PRDM8: variants seen among roughly 807,000 people sequenced by gnomAD.
PRDM8 encodes PR domain zinc finger protein 8.
In PRDM8, 13 loss-of-function variants were observed where a neutral mutation model predicts 46.5. The ratio of observed to expected loss-of-function variants is 0.28; its 90% confidence interval spans 0.18 to 0.44. PRDM8 has a LOEUF of 0.44. Among genes scored for constraint, PRDM8 ranks in the 20% least tolerant of loss-of-function variants. The probability of loss-of-function intolerance (pLI) is 1.00; values close to 1 mark genes in which losing one functional copy is unlikely to be tolerated. For missense variants in PRDM8, 998 were observed against 955.0 expected (o/e 1.04, Z -0.59); for synonymous variants, 473 against 438.4 (o/e 1.08, Z -0.98).
chr4:80,186,030 G>A lies in PRDM8; in HGVS notation c.-983+512G>A, dbSNP rs536275544. ...CTCAGGAAGGCGTTAAGGAAAAGGC[G>A]CGCGGTACTGGCTGAATGGAGAGAT... is the stretch of plus-strand genomic sequence containing the variant. On this transcript the variant is annotated intron_variant, in intron 1 of 9. Transcript: ENST00000339711. Among the ~76,000 whole-genome samples the A allele has an allele frequency of 5.3e-5, 8 of 152,264 alleles. No individual in the cohort carries two copies. In the South Asian group the frequency reaches 1.7e-3, roughly 32 times the overall value.
At chr4:80,194,387 T>C (rs375490303), upstream of PRDM8, 13 of 242,762 alleles carry the variant, frequency 5.4e-5, no homozygotes, top group South Asian at 9.2e-4. Context: ...TATAGTACTG[T>C]CTGAGGCTGA....
At position 80,202,916 on chromosome 4, in the gene PRDM8, G is replaced by A. The variant is rs1441323262; in HGVS notation, c.1454G>A (p.Gly485Asp). 3.0e-6 allele frequency: 4 copies of A among 1,352,294 alleles called. No individual in the cohort carries two copies. The highest frequency in any genetic ancestry group is 4.0e-5 in the Admixed American group (1 of 24,938). The allele number at this position is 1,352,294 out of a possible 1,614,324, so 83.8% of individuals were successfully genotyped here. A position where few individuals can be genotyped will look rare whatever the true frequency, so the allele number is the denominator to read the frequency against. Residue 485 changes from glycine to aspartate, a missense_variant, in exon 4 of 4, where the codon GGC (glycine) becomes GAC (aspartate). By Grantham distance (94) the Gly-to-Asp change is moderately conservative (BLOSUM62 -1). Coordinates refer to ENST00000415738, the MANE Select transcript of PRDM8 (RefSeq NM_001099403.2). ...GGAACGGGCGCCGGGGCCGCAGGCGGCGCGGGCGGGGGCCAGGGCGCCGCG... is the reference window on the plus strand; with the variant it reads ...GGAACGGGCGCCGGGGCCGCAGGCGACGCGGGCGGGGGCCAGGGCGCCGCG... ...GGGTGAGAAGGAGGGQGAASD... is the reference protein window; with the variant it reads ...GGGTGAGAAGDAGGGQGAASD...
chr4:80,201,716 AT>A (rs895575143), intron 3 of PRDM8, among the ~76,000 whole-genome samples, 195 bp downstream of exon 3: 1 of 152,170 alleles, frequency 6.6e-6, no homozygotes, highest in African/African-American at 2.4e-5. Flanking sequence ...TGTTTGCTGT[AT>A]TCCCTCCAAA....
chr4:80,192,032 C>T (rs550004761), intron 2 of PRDM8, among the ~76,000 whole-genome samples: 4 of 152,136 alleles, frequency 2.6e-5, no homozygotes, highest in Non-Finnish European at 4.4e-5. Flanking sequence ...TTCTTTCTCT[C>T]GCTTCTCTTT....
chr4:80,203,271 G>A lies in PRDM8; in HGVS notation c.1809G>A (p.Leu603=), dbSNP rs780466301. 1.4e-5 allele frequency: 22 copies of A among 1,588,100 alleles called. No homozygotes were observed. The East Asian group carries it at 4.8e-4, about 35-fold the overall frequency. The part of the protein sequence containing the change: ...AAAAAAGPLQ[L]QLPSALTLLP... ...CGGCGGCCGCGGGGCCCTTGCAGCT[G>A]CAGCTGCCCTCGGCGCTCACGCTGC... Residue 603 remains leucine, a synonymous_variant, in exon 4 of 4, where the codon CTG becomes CTA. Transcript: ENST00000415738.
intron 1 of PRDM8, among the ~76,000 whole-genome samples, chr4:80,189,100 T>G (rs905410825): frequency 6.6e-6 from 1 of 152,136 alleles, no homozygotes; most frequent in Non-Finnish European, 1.5e-5. Context: ...ACGCGCGCTC[T>G]AGGAGGCCCA....
At position 80,200,261 on chromosome 4, in the gene PRDM8, A is replaced by C; in HGVS notation, c.181A>C (p.Lys61Gln). ...LYDSIAFIAL[K>Q]STDKRTVPYI... is the part of the protein sequence containing the mutation. ...TGACAGCATAGCTTTCATAGCTCTC[A>C]AGTCTACTGACAAGAGAACAGTACC... is the stretch of plus-strand genomic sequence containing the variant. The change falls in exon 2 of 4, where the codon AAG (lysine) becomes CAG (glutamine). Residue 61 changes from lysine (K) to glutamine (Q), a missense_variant. Physicochemically the swap from Lys to Gln is moderately conservative, Grantham distance 53. Coordinates refer to ENST00000415738, the MANE Select transcript of PRDM8 (RefSeq NM_001099403.2). 6.2e-7 allele frequency: 1 copy of C among 1,614,038 alleles called. No homozygotes were observed. The highest frequency in any genetic ancestry group is 1.3e-5 in the African/African-American group (1 of 75,036).
intron 2 of PRDM8, among the ~76,000 whole-genome samples, chr4:80,192,089 T>C (rs1737592242): frequency 6.6e-6 from 1 of 152,184 alleles, no homozygotes; most frequent in Non-Finnish European, 1.5e-5. Context: ...CAGGAAAGTG[T>C]ACCATGGGTT....
In PRDM8 at chr4:80,202,379, C is replaced by T. The variant is rs1353449700; in HGVS notation, c.917C>T (p.Ala306Val). 6.3e-7 allele frequency: 1 copy of T among 1,586,406 alleles called. No homozygotes were observed. The highest frequency in any genetic ancestry group is 8.6e-7 in the Non-Finnish European group (1 of 1,166,810). Residue 306 changes from alanine to valine, a missense_variant, in exon 4 of 4, where the codon GCC (alanine) becomes GTC (valine). Ala to Val is a moderately conservative substitution (Grantham distance 64). Coordinates refer to ENST00000415738, the MANE Select transcript of PRDM8 (RefSeq NM_001099403.2). ...QEAELSPDGI[A>V]TGGGKGKRKF... ...GCGGAGCTGAGTCCCGACGGCATCG[C>T]CACGGGCGGCGGCAAAGGAAAGAGG...
Position 80,202,332 on chromosome 4 carries a change from C to A in PRDM8, c.870C>A (p.Gly290=), listed in dbSNP as rs780252543. ...GCCTCAGCAGCGGTAGCGGCAGCGG[C>A]GGCGGCGGCGGCCACCAGGAGGCGG... The part of the protein sequence containing the change: ...AQSLSSGSGS[G]GGGGHQEAEL... The change falls in exon 4 of 4, where the codon GGC becomes GGA. Residue 290 remains glycine, a synonymous_variant. Coordinates refer to ENST00000415738, the MANE Select transcript of PRDM8 (RefSeq NM_001099403.2). The A allele has an allele frequency of 3.1e-6, 5 of 1,603,872 alleles. No homozygotes were observed. Among genetic ancestry groups the A allele is most frequent in the East Asian group, 4.5e-5 (2 of 44,486 alleles).
At position 80,187,502 on chromosome 4, in the gene PRDM8, G is replaced by A. The variant is rs1578238585; in HGVS notation, c.-983+1984G>A. On this transcript the variant is annotated intron_variant, in intron 1 of 9. Coordinates refer to the PRDM8 transcript ENST00000339711. ...GGGTCTGAGCTATGGAGATAATTAG[G>A]GGATGTCTGTGAATTTAGGGTTTGG... is the stretch of plus-strand genomic sequence containing the variant. Among the ~76,000 whole-genome samples the A allele has an allele frequency of 2.0e-5, 3 of 152,140 alleles. No homozygotes were observed. In the South Asian group the frequency reaches 6.2e-4, roughly 32 times the overall value.
At chr4:80,188,508 A>G (rs1737292799) in intron 1 of PRDM8, among the ~76,000 whole-genome samples, 1 of 152,226 alleles carries the variant, frequency 6.6e-6, no homozygotes, top group Non-Finnish European at 1.5e-5. Flanking sequence ...ACTATTTTAC[A>G]AATGAAGATA....
rs1481211402 is a variant in PRDM8, at chr4:80,203,230, G to A, written c.1768G>A (p.Ala590Thr). 3.9e-6 allele frequency: 6 copies of A among 1,555,424 alleles called. No individual in the cohort carries two copies. In the South Asian group the frequency reaches 4.7e-5, roughly 12 times the overall value. ...CTGGCCCAAGAGCTCCGCTGCCGCT[G>A]CAGCCGCGGCTGCGGCGGCGGCCGC... ...AFWPKSSAAA[A>T]AAAAAAAAGP... The change falls in exon 4 of 4, where the codon GCA becomes ACA. Residue 590 changes from alanine to threonine, a missense_variant. By Grantham distance (58) the Ala-to-Thr change is moderately conservative. Coordinates refer to ENST00000415738, the MANE Select transcript of PRDM8 (RefSeq NM_001099403.2).
upstream of PRDM8, among the ~76,000 whole-genome samples, chr4:80,193,268 T>C (rs1737687135): frequency 6.6e-6 from 1 of 152,120 alleles, no homozygotes; most frequent in African/African-American, 2.4e-5. Context: ...CCAACTACAA[T>C]ACTTAGGGTG....
At chr4:80,188,437 T>C (rs1196015258) in intron 1 of PRDM8, among the ~76,000 whole-genome samples, 1 of 152,210 alleles carries the variant, frequency 6.6e-6, no homozygotes, top group Non-Finnish European at 1.5e-5. Flanking sequence ...CTCAAGCAAG[T>C]GGCCTAGCTG....
At chr4:80,200,690 C>T (rs958077336) in intron 2 of PRDM8, among the ~76,000 whole-genome samples, 1 of 152,180 alleles carries the variant, frequency 6.6e-6, no homozygotes, top group Admixed American at 6.5e-5. Context: ...GAGGCTTCTT[C>T]ATCCCCTAAA....
At chr4:80,201,034 A>G (rs1169396509) in intron 2 of PRDM8, among the ~76,000 whole-genome samples, 3 of 152,246 alleles carry the variant, frequency 2.0e-5, no homozygotes, top group African/African-American at 7.2e-5. Context: ...TTTAGTATTC[A>G]ACCAATATAT....
chr4:80,190,410 A>G (rs148198085), intron 1 of PRDM8, among the ~76,000 whole-genome samples: 1 of 152,216 alleles, frequency 6.6e-6, no homozygotes, highest in East Asian at 1.9e-4. Context: ...ACTGCCCCAC[A>G]TTCACGGTTT....
At chr4:80,190,325 C>A (rs1342797201) in intron 1 of PRDM8, among the ~76,000 whole-genome samples, 1 of 152,206 alleles carries the variant, frequency 6.6e-6, no homozygotes, top group East Asian at 1.9e-4. Context: ...TGTGGCGGGC[C>A]CTTGGGAACT....
Sources: allele counts gnomAD v4.1 joint callset (sites outside exome capture counted in the v4.1 genomes callset), GRCh38; gene constraint gnomAD v4.1.1; transcripts MANE v1.5; gene names NCBI Gene and HGNC (gene_info 2026-07-23, HGNC 2026-07-21).